The following SLC6A13 variants were observed in gnomAD, a reference collection of about 807,000 sequenced individuals.
SLC6A13 encodes sodium- and chloride-dependent GABA transporter 2.
In SLC6A13, 69 loss-of-function variants were observed where a neutral mutation model predicts 72.9. That is an observed-to-expected ratio of 0.95 (90% CI 0.78 to 1.16). SLC6A13 has a LOEUF of 1.16. Among genes scored for constraint, SLC6A13 ranks in the 50% most tolerant of loss-of-function variants. SLC6A13 has a pLI of 0.00. For synonymous variants in SLC6A13, 303 were observed against 303.0 expected, an observed-to-expected ratio of 1.00 and a Z score of 0.00; for missense variants, 735 against 760.5, an observed-to-expected ratio of 0.97 and a Z score of 0.39.
chr12:225,574 C>G (rs900915957), intron 9 of SLC6A13, among the ~76,000 whole-genome samples: 37 of 151,826 alleles, frequency 2.4e-4, no homozygotes, highest in Non-Finnish European at 2.9e-4. Context: ...CACTTCAGCC[C>G]GGGAAGCGGA....
At chr12:224,367 A>G in intron 10 of SLC6A13, 34 bp downstream of exon 10, 1 of 1,562,408 alleles carries the variant, frequency 6.4e-7, no homozygotes, top group Non-Finnish European at 8.8e-7. Context: ...CCCCCCACTC[A>G]TCTCTCAGCC....
At chr12:222,467 C>A in intron 13 of SLC6A13, 65 bp downstream of exon 13, 1 of 1,020,446 alleles carries the variant, frequency 9.8e-7, no homozygotes, top group East Asian at 2.6e-5. Flanking sequence ...CTAACGGCTT[C>A]TCTACCCCTG....
chr12:226,326 A>G, intron 9 of SLC6A13, 64 bp downstream of exon 9: 1 of 1,602,554 alleles, frequency 6.2e-7, no homozygotes, highest in Non-Finnish European at 8.5e-7. Flanking sequence ...AAACGCCTCT[A>G]GACGCTTGCT....
At chr12:241,619 A>T (rs891052813) in intron 4 of SLC6A13, among the ~76,000 whole-genome samples, 4 of 152,282 alleles carry the variant, frequency 2.6e-5, no homozygotes, top group African/African-American at 9.6e-5. Flanking sequence ...GTTCAGTGGG[A>T]CTGCCCGTGA....
chr12:221,552 G>T lies in SLC6A13; in HGVS notation c.1516-6C>A, dbSNP rs538691841. ...AGGGAGAAGAGAAAGGTGGCCTGAG[G>T]GGGAGAGCAGAAGAGAAAGGGGTTG... On this transcript the variant is annotated splice_polypyrimidine_tract_variant and splice_region_variant and intron_variant, in intron 13 of 14. Coordinates refer to ENST00000343164, the MANE Select transcript of SLC6A13 (RefSeq NM_016615.5). 2 of 1,574,692 alleles carry T rather than the reference G, an allele frequency of 1.3e-6. No individual in the cohort carries two copies. The highest frequency in any genetic ancestry group is 1.7e-6 in the Non-Finnish European group (2 of 1,157,916).
intron 7 of SLC6A13, among the ~76,000 whole-genome samples, chr12:231,160 G>A (rs905205298): frequency 4.6e-5 from 7 of 152,334 alleles, no homozygotes; most frequent in East Asian, 1.9e-4. Context: ...TAAAGCACAC[G>A]CTCCAGCAGA....
At position 224,357 on chromosome 12, in the gene SLC6A13, C is replaced by A. The variant is rs368158572; in HGVS notation, c.1173+44G>T. ...ATGGCTCCTCCTCCCCAGCACACAC[C>A]CCCCCACTCATCTCTCAGCCTCTGA... On this transcript the variant is annotated intron_variant, in intron 10 of 14. Transcript: ENST00000343164. 121 of 1,520,382 alleles carry A rather than the reference C, an allele frequency of 8.0e-5. No individual in the cohort carries two copies. Among genetic ancestry groups the A allele is most frequent in the Middle Eastern group, 1.7e-4 (1 of 5,916 alleles). 94.2% of individuals were successfully genotyped at this position (1,520,382 alleles called of 1,614,324 possible).
At chr12:239,460 T>C (rs1041662430) in intron 4 of SLC6A13, among the ~76,000 whole-genome samples, 2 of 152,190 alleles carry the variant, frequency 1.3e-5, no homozygotes, top group African/African-American at 4.8e-5. Flanking sequence ...CCCCTCCTCC[T>C]TCAGACCAAT....
In SLC6A13 at chr12:220,685, G is replaced by A. The variant is rs1007852295; in HGVS notation, c.*263C>T. ...AGAGGGCCCGAAGCCAGCAAGTCTC[G>A]CCCCACCTACCAGCCCCCACCCAGC... On this transcript the variant is annotated 3_prime_UTR_variant, in exon 15 of 15. Coordinates refer to ENST00000343164, the MANE Select transcript of SLC6A13 (RefSeq NM_016615.5). 68 of 439,890 alleles carry A rather than the reference G, an allele frequency of 1.5e-4. No individual in the cohort carries two copies. Among genetic ancestry groups the A allele is most frequent in the Non-Finnish European group, 2.1e-4 (51 of 242,424 alleles). The allele number at this position is 439,890 out of a possible 1,614,324, so 27.2% of individuals were successfully genotyped here.
chr12:232,161 A>G (rs1022965012), intron 7 of SLC6A13, among the ~76,000 whole-genome samples: 2 of 152,216 alleles, frequency 1.3e-5, no homozygotes, highest in African/African-American at 4.8e-5. Flanking sequence ...ATAGCTGATC[A>G]GGACAAAGCC....
chr12:248,880 T>A (rs1315916772), intron 2 of SLC6A13, among the ~76,000 whole-genome samples: 1 of 152,054 alleles, frequency 6.6e-6, no homozygotes, highest in Non-Finnish European at 1.5e-5. Context: ...GATGGGCCCA[T>A]ATCCTGGACC....
In SLC6A13 at chr12:223,233, C is replaced by T; in HGVS notation, c.1313G>A (p.Gly438Asp). ...AAAGAGCTGGAACACGTACATTCCG[C>T]CCTGCATGGGAGGAGATTATTTTAA... ...FLVGLIMLTE[G>D]GMYVFQLFDY... The change falls in exon 12 of 15, where the codon GGC (glycine) becomes GAC (aspartate). Residue 438 changes from glycine (G) to aspartate (D), a missense_variant and splice_region_variant. Coordinates refer to ENST00000343164, the MANE Select transcript of SLC6A13 (RefSeq NM_016615.5). 6.2e-7 allele frequency: 1 copy of T among 1,601,322 alleles called. No individual in the cohort carries two copies. Among genetic ancestry groups the T allele is most frequent in the Non-Finnish European group, 8.6e-7 (1 of 1,169,398 alleles).
chr12:220,943 GC>G lies in SLC6A13; in HGVS notation c.*4del. ...GCACACAGGCACCATCCAAGGGCCT[GC>G]CCCCTAGCAGTGAGACTCTAGCTCT... On this transcript the variant is annotated 3_prime_UTR_variant, in exon 15 of 15. Coordinates refer to ENST00000343164, the MANE Select transcript of SLC6A13 (RefSeq NM_016615.5). 1 of 1,611,858 alleles carries G rather than the reference GC, an allele frequency of 6.2e-7. No individual in the cohort carries two copies. Among genetic ancestry groups the G allele is most frequent in the Non-Finnish European group, 8.5e-7 (1 of 1,179,852 alleles).
chr12:234,738 G>A lies in SLC6A13; in HGVS notation c.831+352C>T, dbSNP rs560341158. Among the ~76,000 whole-genome samples the A allele has an allele frequency of 1.6e-4, 25 of 152,204 alleles. No homozygotes were observed. The South Asian group carries it at 2.7e-3, about 16-fold the overall frequency. ...TCACTATGTTGGCCAGACTGGTCTC[G>A]AATTCCTGACATCAAATGATCCACC... On this transcript the variant is annotated intron_variant, in intron 7 of 14. Transcript: ENST00000343164.
At chr12:248,232 G>A (rs1446700930) in intron 2 of SLC6A13, among the ~76,000 whole-genome samples, 1 of 151,894 alleles carries the variant, frequency 6.6e-6, no homozygotes, top group Non-Finnish European at 1.5e-5. Context: ...TTAAGAAAAT[G>A]CACTTTGAAT....
intron 6 of SLC6A13, among the ~76,000 whole-genome samples, chr12:236,616 C>T (rs1377551456): frequency 2.0e-5 from 3 of 152,188 alleles, no homozygotes; most frequent in Non-Finnish European, 2.9e-5. Context: ...GTGTGCTTAG[C>T]GTTCATGGCA....
At chr12:227,969 G>A (rs977607178) in intron 7 of SLC6A13, among the ~76,000 whole-genome samples, 1 of 152,028 alleles carries the variant, frequency 6.6e-6, no homozygotes, top group Non-Finnish European at 1.5e-5. Flanking sequence ...GCTCTAGAAT[G>A]AAGCTAGGTC....
chr12:228,286 G>A (rs990435874), intron 7 of SLC6A13, among the ~76,000 whole-genome samples: 3 of 152,072 alleles, frequency 2.0e-5, no homozygotes, highest in South Asian at 2.1e-4. Context: ...CAGCTGGCTC[G>A]CCCAGCCCGT....
chr12:259,831 C>T lies in SLC6A13; in HGVS notation c.202+20G>A. The T allele has an allele frequency of 1.9e-6, 3 of 1,614,198 alleles. No homozygotes were observed. The highest frequency in any genetic ancestry group is 8.5e-7 in the Non-Finnish European group (1 of 1,180,026). ...CTCCTTCCAGGAGTGGGTGGGGTGG[C>T]ACAAGGGCTCTCATCTCACCTCCCC... On this transcript the variant is annotated intron_variant, in intron 2 of 14. Coordinates refer to ENST00000343164, the MANE Select transcript of SLC6A13 (RefSeq NM_016615.5).
Sources: allele counts gnomAD v4.1 joint callset (sites outside exome capture counted in the v4.1 genomes callset), GRCh38; gene constraint gnomAD v4.1.1; transcripts MANE v1.5; gene names NCBI Gene and HGNC (gene_info 2026-07-23, HGNC 2026-07-21).